Variants in GALNT14 observed in about 807,000 individuals in gnomAD.
The protein encoded by GALNT14 is UDP-GalNAc:polypeptide N-acetylgalactosaminyltransferase 14.
In GALNT14, 60 loss-of-function variants were observed where a neutral mutation model predicts 77.5. That is an observed-to-expected ratio of 0.77 (90% confidence interval 0.63 to 0.96). GALNT14 has a LOEUF of 0.96. GALNT14 is among the 40% of genes least tolerant of loss of function. The pLI, the probability that GALNT14 is intolerant of heterozygous loss-of-function variation, is 0.00. For synonymous variants in GALNT14, 280 were observed against 281.7 expected (o/e 0.99, Z 0.06); for missense variants, 710 against 731.0 (o/e 0.97, Z 0.33).
chr2:31,045,283 A>G (rs1673369425), intron 1 of GALNT14, among the ~76,000 whole-genome samples: 1 of 152,222 alleles, frequency 6.6e-6, no homozygotes, highest in African/African-American at 2.4e-5. Flanking sequence ...TGTGGTGCCA[A>G]GCTGAGCTCA....
intron 1 of GALNT14, among the ~76,000 whole-genome samples, chr2:31,014,581 TC>T (rs1671230732): frequency 6.6e-6 from 1 of 152,070 alleles, no homozygotes; most frequent in Non-Finnish European, 1.5e-5. Flanking sequence ...CCTGAACAGG[TC>T]CCCATATGAC....
At chr2:30,946,847 A>T (rs1269992422) in intron 6 of GALNT14, among the ~76,000 whole-genome samples, 2 of 152,280 alleles carry the variant, frequency 1.3e-5, no homozygotes, top group Non-Finnish European at 2.9e-5. Context: ...AATTTGTACC[A>T]GGCCCCGACT....
chr2:31,037,990 A>G (rs1313829937), intron 1 of GALNT14, among the ~76,000 whole-genome samples: 2 of 149,726 alleles, frequency 1.3e-5, no homozygotes, highest in Non-Finnish European at 3.0e-5. Flanking sequence ...AAATTTTTCA[A>G]AGCTTTTAAA....
the GALNT14 span, among the ~76,000 whole-genome samples, chr2:30,893,850 C>A: frequency 6.6e-6 from 1 of 151,798 alleles, no homozygotes; most frequent in Non-Finnish European, 1.5e-5. Context: ...GGTTGAATAT[C>A]CTTTTATTCA....
intron 1 of GALNT14, among the ~76,000 whole-genome samples, chr2:31,052,242 A>T (rs552678992): frequency 1.3e-5 from 2 of 152,126 alleles, no homozygotes; most frequent in East Asian, 3.9e-4. Context: ...CAGCCTCAGC[A>T]CTCCACATGG....
chr2:31,088,604 G>A (rs72795205), intron 1 of GALNT14, among the ~76,000 whole-genome samples: 4,680 of 152,310 alleles, frequency 0.031, 111 homozygotes, highest in Non-Finnish European at 0.05. Context: ...CCACAAACCT[G>A]TAAGCAAAAA....
At chr2:31,047,098 C>G (rs1673515017) in intron 1 of GALNT14, among the ~76,000 whole-genome samples, 1 of 152,102 alleles carries the variant, frequency 6.6e-6, no homozygotes, top group African/African-American at 2.4e-5. Flanking sequence ...CCCTGAAGAA[C>G]ACAGGTTGCC....
At chr2:31,028,653 AG>A in intron 1 of GALNT14, among the ~76,000 whole-genome samples, 1 of 152,346 alleles carries the variant, frequency 6.6e-6, no homozygotes, top group Middle Eastern at 3.4e-3. Context: ...GTGAAACACC[AG>A]GGGCTATTTA....
intron 1 of GALNT14, chr2:31,132,569 A>G: frequency 5.2e-6 from 2 of 386,668 alleles, no homozygotes; most frequent in South Asian, 3.9e-5. Flanking sequence ...CCAGAGTCAC[A>G]CTGAAATTGC....
intron 1 of GALNT14, among the ~76,000 whole-genome samples, chr2:31,051,668 T>C (rs1436600085): frequency 6.6e-6 from 1 of 152,130 alleles, no homozygotes; most frequent in African/African-American, 2.4e-5. Flanking sequence ...CCTTGACTAA[T>C]ACCAGGCAAG....
chr2:31,057,368 G>A (rs1558532929), intron 1 of GALNT14, among the ~76,000 whole-genome samples: 56 of 84,652 alleles, frequency 6.6e-4, no homozygotes, highest in African/African-American at 2.7e-3. Context: ...GTGTGTGTGT[G>A]TGTGTGTATA....
intron 13 of GALNT14, among the ~76,000 whole-genome samples, chr2:30,918,292 C>T (rs1382631196): frequency 6.6e-6 from 1 of 152,208 alleles, no homozygotes; most frequent in African/African-American, 2.4e-5. Flanking sequence ...GGGCTAGAAT[C>T]CCCACAGAGC....
chr2:30,936,200 C>T (rs1361151481), intron 9 of GALNT14, among the ~76,000 whole-genome samples: 1 of 152,028 alleles, frequency 6.6e-6, no homozygotes, highest in Non-Finnish European at 1.5e-5. Flanking sequence ...TTCCTTCTGT[C>T]TCTCCATCAG....
At chr2:30,902,311 A>G in the GALNT14 span, among the ~76,000 whole-genome samples, 1 of 152,104 alleles carries the variant, frequency 6.6e-6, no homozygotes, top group Admixed American at 6.5e-5. Context: ...CATTTGGATA[A>G]CTCTGCACAG....
chr2:30,961,617 G>A (rs1667694276), intron 3 of GALNT14, among the ~76,000 whole-genome samples: 3 of 151,890 alleles, frequency 2.0e-5, no homozygotes, highest in Non-Finnish European at 2.9e-5. Flanking sequence ...CAGCATCACC[G>A]TCACCTAGAT....
chr2:31,032,968 C>T (rs963696899), intron 1 of GALNT14, among the ~76,000 whole-genome samples: 1 of 152,156 alleles, frequency 6.6e-6, no homozygotes, highest in Non-Finnish European at 1.5e-5. Flanking sequence ...TGGAATCACA[C>T]CCCAGCCTAA....
intron 9 of GALNT14, among the ~76,000 whole-genome samples, chr2:30,940,735 C>T (rs752878904): frequency 2.0e-5 from 3 of 152,194 alleles, no homozygotes; most frequent in Non-Finnish European, 4.4e-5. Flanking sequence ...GGTCCACCTG[C>T]TCCAAGTTCT....
At chr2:31,108,412 G>A (rs748402810) in intron 1 of GALNT14, among the ~76,000 whole-genome samples, 4 of 152,184 alleles carry the variant, frequency 2.6e-5, no homozygotes, top group Non-Finnish European at 5.9e-5. Context: ...CACGTCACCC[G>A]CTCAATTACA....
intron 1 of GALNT14, among the ~76,000 whole-genome samples, chr2:31,128,404 T>G (rs1209102876): frequency 6.6e-6 from 1 of 152,200 alleles, no homozygotes; most frequent in Non-Finnish European, 1.5e-5. Flanking sequence ...AGTCACTTCC[T>G]GGAGTCATTT....
Sources: gnomAD v4.1 joint callset for allele counts (sites outside exome capture counted in the v4.1 genomes callset) on GRCh38, gnomAD v4.1.1 for gene constraint, MANE v1.5 for transcripts, NCBI Gene and HGNC (gene_info 2026-07-23, HGNC 2026-07-21) for gene names.